The following SLC25A18 variants were observed in gnomAD, a reference collection of about 807,000 sequenced individuals.
SLC25A18 encodes the protein mitochondrial glutamate carrier 2.
A neutral mutation model predicts 31.1 loss-of-function variants in SLC25A18; 24 were observed. The ratio of observed to expected loss-of-function variants is 0.77; its 90% CI spans 0.56 to 1.08. The LOEUF is 1.08. Among genes scored for constraint, SLC25A18 ranks in the 50% least tolerant of loss-of-function variants. SLC25A18 has a pLI of 0.00. For synonymous variants in SLC25A18, 173 were observed against 161.9 expected, an observed-to-expected ratio of 1.07 and a Z score of -0.52; for missense variants, 371 against 418.5, an observed-to-expected ratio of 0.89 and a Z score of 0.99.
At chr22:17,575,760 A>C (rs1304687688) in intron 2 of SLC25A18, among the ~76,000 whole-genome samples, 1 of 152,144 alleles carries the variant, frequency 6.6e-6, no homozygotes, top group Non-Finnish European at 1.5e-5. Flanking sequence ...GACACTAAGA[A>C]CATGCAAACA....
chr22:17,583,361 C>T (rs537908749), intron 6 of SLC25A18, 55 bp from the exon 7 acceptor site: 1 of 1,606,158 alleles, frequency 6.2e-7, no homozygotes, highest in African/African-American at 1.3e-5. Context: ...AGGGCAGCTG[C>T]ACCAGGGCAG....
rs9180 is a variant in SLC25A18, at chr22:17,590,802, T to C, written c.*566T>C. ...CTGAGGCCGGCTCTGACTGGGCAGCTCAGCCCCTCCCCCAGAGCCCAGGGT... is the reference window on the plus strand; with the variant it reads ...CTGAGGCCGGCTCTGACTGGGCAGCCCAGCCCCTCCCCCAGAGCCCAGGGT... On this transcript the variant is annotated 3_prime_UTR_variant, in exon 11 of 11. Transcript: ENST00000327451. 59,308 of 152,966 alleles carry C rather than the reference T, an allele frequency of 0.39. 14,955 individuals carry two copies. The highest frequency in any genetic ancestry group is 0.73 in the African/African-American group (30,292 of 41,446). The allele number at this position is 152,966 out of a possible 1,614,324, so 9.5% of individuals were successfully genotyped here. A position where few individuals can be genotyped will look rare whatever the true frequency, so the allele number is the denominator to read the frequency against.
intron 1 of SLC25A18, among the ~76,000 whole-genome samples, chr22:17,569,215 A>G (rs1453470450): frequency 5.3e-5 from 8 of 152,026 alleles, no homozygotes; most frequent in Admixed American, 1.3e-4. Flanking sequence ...TTACCATGTT[A>G]GCCAGGATGG....
chr22:17,576,023 C>G (rs888422663), intron 2 of SLC25A18, among the ~76,000 whole-genome samples: 3 of 152,086 alleles, frequency 2.0e-5, no homozygotes, highest in African/African-American at 4.8e-5. Flanking sequence ...CTTTTCTACC[C>G]CAATACCCCC....
At chr22:17,583,289 C>A in intron 6 of SLC25A18, 127 bp from the exon 7 acceptor site, 1 of 1,183,480 alleles carries the variant, frequency 8.4e-7, no homozygotes, top group Non-Finnish European at 1.2e-6. Flanking sequence ...TAGCTGATGA[C>A]TTGACCAGCT....
chr22:17,564,717 G>T (rs1032494023), intron 1 of SLC25A18, among the ~76,000 whole-genome samples: 1 of 151,862 alleles, frequency 6.6e-6, no homozygotes, highest in African/African-American at 2.4e-5. Context: ...AATTAGCCAG[G>T]CGTGGTAGCA....
chr22:17,566,005 T>G (rs1182372512), intron 1 of SLC25A18, among the ~76,000 whole-genome samples: 1 of 152,144 alleles, frequency 6.6e-6, no homozygotes, highest in African/African-American at 2.4e-5. Context: ...TGTGTTTACT[T>G]TTTTGAGGAC....
chr22:17,578,252 T>C (rs1322898334), intron 2 of SLC25A18, among the ~76,000 whole-genome samples: 4 of 152,204 alleles, frequency 2.6e-5, no homozygotes, highest in African/African-American at 9.6e-5. Context: ...ATTACAGGCG[T>C]GAGCCACTGT....
At chr22:17,575,583 G>A (rs1385491198) in intron 2 of SLC25A18, among the ~76,000 whole-genome samples, 1 of 152,162 alleles carries the variant, frequency 6.6e-6, no homozygotes, top group African/African-American at 2.4e-5. Flanking sequence ...TATGGAAGGG[G>A]TTGAATCATT....
rs695361 is a variant in SLC25A18 at position 17,568,555 on chromosome 22, C to CTTTTT, written c.-263-1347_-263-1343dup. Reference sequence around the variant, plus strand: ...TGGGAGCCGAGAATATAAAGTACATCTTTTTTTTTTTTTTTTTTTTTTTTT... The same window carrying CTTTTT: ...TGGGAGCCGAGAATATAAAGTACATCTTTTTTTTTTTTTTTTTTTTTTTTTTTTTT... On this transcript the variant is annotated intron_variant, in intron 1 of 10. Coordinates refer to ENST00000327451, the MANE Select transcript of SLC25A18 (RefSeq NM_031481.3). Among the ~76,000 whole-genome samples the CTTTTT allele has an allele frequency of 8.5e-4, 53 of 62,534 alleles. 10 individuals are homozygous for CTTTTT. Among genetic ancestry groups the CTTTTT allele is most frequent in the African/African-American group, 2.6e-3 (37 of 14,208 alleles). 41.0% of individuals were successfully genotyped at this position (62,534 alleles called of 152,430 possible). A position where few individuals can be genotyped will look rare whatever the true frequency, so the allele number is the denominator to read the frequency against.
intron 5 of SLC25A18, chr22:17,581,936 G>A (rs2057386015): frequency 6.4e-6 from 1 of 156,420 alleles, no homozygotes; most frequent in Admixed American, 6.2e-5. Flanking sequence ...GCGGCACAGA[G>A]GAGCGGAACC....
chr22:17,565,223 G>C (rs1034559695), intron 1 of SLC25A18, among the ~76,000 whole-genome samples: 1 of 152,032 alleles, frequency 6.6e-6, no homozygotes, highest in Non-Finnish European at 1.5e-5. Flanking sequence ...TGGGACTACA[G>C]GTGCCTGCCA....
In SLC25A18 at chr22:17,587,140, C is replaced by G; in HGVS notation, c.414C>G (p.Val138=). 6.2e-7 allele frequency: 1 copy of G among 1,613,892 alleles called. No individual in the cohort carries two copies. The highest frequency in any genetic ancestry group is 8.5e-7 in the Non-Finnish European group (1 of 1,179,920). Residue 138 remains valine (V), a synonymous_variant, in exon 8 of 11, where the codon GTC becomes GTG. Transcript: ENST00000327451. ...IQLQDAGRLA[V]HHQGSASAPS... ...TGTCTGTCCTTTCCCTTCCAGCCGT[C>G]CATCATCAGGGCTCGGCCTCAGCAC...
chr22:17,575,986 T>C (rs2057219651), intron 2 of SLC25A18, among the ~76,000 whole-genome samples: 1 of 152,154 alleles, frequency 6.6e-6, no homozygotes, highest in Non-Finnish European at 1.5e-5. Context: ...GTTTTCTCAT[T>C]GTTCTGCATC....
chr22:17,578,907 A>G (rs1319040021), intron 2 of SLC25A18, among the ~76,000 whole-genome samples: 1 of 152,124 alleles, frequency 6.6e-6, no homozygotes, highest in Non-Finnish European at 1.5e-5. Context: ...TCTCAAAAAA[A>G]TAGCAGGCCC....
intron 7 of SLC25A18, among the ~76,000 whole-genome samples, chr22:17,584,285 C>T (rs932307721): frequency 7.3e-5 from 11 of 151,186 alleles, no homozygotes; most frequent in African/African-American, 2.7e-4. Flanking sequence ...CTCAGCTATC[C>T]GGGAGGCTGA....
Position 17,582,614 on chromosome 22 carries a change from C to T in SLC25A18, c.251C>T (p.Ala84Val), listed in dbSNP as rs773064614. 11 of 1,604,954 alleles carry T rather than the reference C, an allele frequency of 6.9e-6. No individual in the cohort carries two copies. The highest frequency in any genetic ancestry group is 1.6e-4 in the Middle Eastern group (1 of 6,062). ...LVTPEKAIKL[A>V]ANDFFRRLLM... ...ACTCCAGAGAAGGCCATCAAGCTGGCGGCCAACGACTTTTTCCGGCGGCTG... is the reference window on the plus strand; with the variant it reads ...ACTCCAGAGAAGGCCATCAAGCTGGTGGCCAACGACTTTTTCCGGCGGCTG... Residue 84 changes from alanine to valine, a missense_variant, in exon 6 of 11, where the codon GCG (alanine) becomes GTG (valine). Ala to Val is a moderately conservative substitution (Grantham distance 64). Coordinates refer to ENST00000327451, the MANE Select transcript of SLC25A18 (RefSeq NM_031481.3).
intron 7 of SLC25A18, among the ~76,000 whole-genome samples, chr22:17,584,472 A>AG (rs2057479895): frequency 4.6e-4 from 57 of 122,820 alleles, no homozygotes; most frequent in African/African-American, 1.6e-3. Flanking sequence ...AGAGAGAGAG[A>AG]AAGAAAGAAA....
At chr22:17,581,297 G>A (rs1031163892) in intron 4 of SLC25A18, 61 bp from the exon 5 acceptor site, 36 of 1,608,702 alleles carry the variant, frequency 2.2e-5, no homozygotes, top group African/African-American at 5.3e-5. Context: ...GCGGGAGCAG[G>A]GCATGGAGGC....
Sources: gnomAD v4.1 joint callset for allele counts (sites outside exome capture counted in the v4.1 genomes callset) on GRCh38, gnomAD v4.1.1 for gene constraint, MANE v1.5 for transcripts, NCBI Gene and HGNC (gene_info 2026-07-23, HGNC 2026-07-21) for gene names.